The following ZSCAN18 variants were observed in gnomAD, a reference collection of about 807,000 sequenced individuals.
The protein encoded by ZSCAN18 is zinc finger and SCAN domain-containing protein 18.
In ZSCAN18, 16 loss-of-function variants were observed where a neutral mutation model predicts 31.1. The observed-to-expected ratio is 0.51, with a 90% CI of 0.35 to 0.78. The LOEUF (loss-of-function observed/expected upper bound fraction) is 0.78. Among genes scored for constraint, ZSCAN18 ranks in the 30% least tolerant of loss-of-function variants. The pLI is 0.01. For synonymous variants in ZSCAN18, 375 were observed against 320.7 expected (o/e 1.17, Z -1.81); for missense variants, 731 against 697.4 (o/e 1.05, Z -0.54).
intron 1 of ZSCAN18, chr19:58,092,512 G>A: frequency 6.1e-6 from 1 of 164,380 alleles, no homozygotes; most frequent in Non-Finnish European, 1.2e-5. Context: ...GGAGGTGGAG[G>A]CTGTAGTGAG....
chr19:58,116,066 G>A (rs2074727358), intron 1 of ZSCAN18, among the ~76,000 whole-genome samples: 1 of 150,602 alleles, frequency 6.6e-6, no homozygotes, highest in East Asian at 1.9e-4. Context: ...GTACAAGGTT[G>A]GGGAGAGAAG....
rs2074212852 is a variant in ZSCAN18, at chr19:58,084,222, T to A, written c.*463A>T. ...GGAAACAGCTTCTGCTTTTGCAGAT[T>A]AGAAGTGAAGTTGACATCACGCCAA... On this transcript the variant is annotated 3_prime_UTR_variant, in exon 7 of 7. Coordinates refer to ENST00000601144, the MANE Select transcript of ZSCAN18 (RefSeq NM_001145543.2). The surrounding 1 kb of genome is among the most constrained non-coding windows in gnomAD (Gnocchi z 4.5). 1 of 155,014 alleles carries A rather than the reference T, an allele frequency of 6.5e-6. No homozygotes were observed. Among genetic ancestry groups the A allele is most frequent in the Non-Finnish European group, 1.4e-5 (1 of 69,888 alleles). The allele number at this position is 155,014 out of a possible 1,614,324, so 9.6% of individuals were successfully genotyped here. A position where few individuals can be genotyped will look rare whatever the true frequency, so the allele number is the denominator to read the frequency against.
intron 2 of ZSCAN18, among the ~76,000 whole-genome samples, chr19:58,089,394 A>C (rs1373495241): frequency 7.0e-6 from 1 of 143,236 alleles, no homozygotes; most frequent in African/African-American, 2.6e-5. Flanking sequence ...TTGGGAGACC[A>C]AGGCGGGCAG....
chr19:58,095,505 G>A (rs1398452567), intron 1 of ZSCAN18, among the ~76,000 whole-genome samples: 1 of 152,136 alleles, frequency 6.6e-6, no homozygotes, highest in African/African-American at 2.4e-5. Flanking sequence ...GCCTCCTGCC[G>A]GCCCTCCCCT....
At chr19:58,098,767 G>C (rs952967649), upstream of ZSCAN18, among the ~76,000 whole-genome samples, 2 of 152,220 alleles carry the variant, frequency 1.3e-5, no homozygotes, top group African/African-American at 2.4e-5. Context: ...GAGCACTCGA[G>C]GCTGAGACAG....
At chr19:58,106,425 G>GTTTCCCA (rs1284584950) in intron 1 of ZSCAN18, among the ~76,000 whole-genome samples, 1 of 10,438 alleles carries the variant, frequency 9.6e-5, no homozygotes, top group Non-Finnish European at 5.7e-4. Flanking sequence ...ACATCTGGCT[G>GTTTCCCA]GGCGCGGTGG....
chr19:58,108,758 G>C, intron 1 of ZSCAN18: 1 of 985,664 alleles, frequency 1.0e-6, no homozygotes, highest in Non-Finnish European at 1.2e-6. Context: ...TCTCCTTTGT[G>C]TTGTTCCTTT....
intron 5 of ZSCAN18, 39 bp downstream of exon 5, chr19:58,086,867 T>C (rs921765543): frequency 1.3e-6 from 2 of 1,519,266 alleles, no homozygotes; most frequent in Non-Finnish European, 1.8e-6. Flanking sequence ...CGGAAGGGGA[T>C]GGGGAGTGGG....
At chr19:58,087,101 A>T in intron 4 of ZSCAN18, 93 bp from the exon 5 acceptor site, 1 of 1,163,310 alleles carries the variant, frequency 8.6e-7, no homozygotes, top group Non-Finnish European at 1.2e-6. Flanking sequence ...GCTAGGAGCC[A>T]GCCCTGGCCA....
At chr19:58,087,636 C>A in intron 3 of ZSCAN18, 3 of 421,464 alleles carry the variant, frequency 7.1e-6, no homozygotes, top group Non-Finnish European at 1.3e-5. Context: ...TCATGGAAAT[C>A]TTTTTTTTTT....
intron 1 of ZSCAN18, among the ~76,000 whole-genome samples, chr19:58,094,464 A>G (rs1568636649): frequency 2.6e-5 from 4 of 152,024 alleles, no homozygotes; most frequent in Admixed American, 6.6e-5. Flanking sequence ...AACAGAGAAT[A>G]GCAGATATAA....
intron 1 of ZSCAN18, among the ~76,000 whole-genome samples, chr19:58,105,594 G>A (rs548156796): frequency 6.6e-6 from 1 of 152,288 alleles, no homozygotes; most frequent in East Asian, 1.9e-4. Flanking sequence ...CCGGAAGGCA[G>A]AGCTTGCAGT....
intron 1 of ZSCAN18, among the ~76,000 whole-genome samples, chr19:58,107,124 C>T (rs1361218618): frequency 6.6e-6 from 1 of 152,148 alleles, no homozygotes; most frequent in African/African-American, 2.4e-5. Flanking sequence ...CTATGATGGG[C>T]TGCAGAATAC....
rs2074386134 is a variant in ZSCAN18 at position 58,090,346 on chromosome 19, C to G, written c.-79G>C. On this transcript the variant is annotated 5_prime_UTR_variant, in exon 2 of 7. Coordinates refer to ENST00000601144, the MANE Select transcript of ZSCAN18 (RefSeq NM_001145543.2). The surrounding 1 kb of genome is among the most constrained non-coding windows in gnomAD (Gnocchi z 4.7). Reference sequence around the variant, plus strand: ...CCAAAGGAGAGGTGCCAGGGATGACCAGATGCCCAGTGGGCTCAGGTGGTG... The same window carrying G: ...CCAAAGGAGAGGTGCCAGGGATGACGAGATGCCCAGTGGGCTCAGGTGGTG... The G allele has an allele frequency of 1.2e-6, 2 of 1,603,148 alleles. No individual in the cohort carries two copies. The highest frequency in any genetic ancestry group is 1.3e-5 in the African/African-American group (1 of 74,760).
chr19:58,085,547 G>C (rs1440241890), intron 6 of ZSCAN18, 168 bp from the exon 7 acceptor site: 1 of 620,598 alleles, frequency 1.6e-6, no homozygotes, highest in Non-Finnish European at 2.7e-6. Flanking sequence ...CAGCCCTGCA[G>C]CGCATGCCCC....
At position 58,095,890 on chromosome 19, in the gene ZSCAN18, C is replaced by G. The variant is rs547417767; in HGVS notation, c.-120+2284G>C. Among the ~76,000 whole-genome samples, 7 of 152,336 alleles carry G rather than the reference C, an allele frequency of 4.6e-5. No homozygotes were observed. The East Asian group carries it at 1.4e-3, about 29-fold the overall frequency. ...ACCAGGGGTCTCCTAAAACGCCCAA[C>G]TCCAAGGAAGCTGCTGCCTCCTGTG... is the stretch of plus-strand genomic sequence containing the variant. On this transcript the variant is annotated intron_variant, in intron 1 of 6. Coordinates refer to ENST00000601144, the MANE Select transcript of ZSCAN18 (RefSeq NM_001145543.2).
At chr19:58,108,860 G>C in intron 1 of ZSCAN18, 1 of 998,638 alleles carries the variant, frequency 1.0e-6, no homozygotes, top group Non-Finnish European at 1.2e-6. Flanking sequence ...CTCCTTGTTA[G>C]ATCTTCATCA....
At chr19:58,092,224 G>C (rs537161330) in intron 1 of ZSCAN18, among the ~76,000 whole-genome samples, 2 of 152,148 alleles carry the variant, frequency 1.3e-5, no homozygotes, top group East Asian at 1.9e-4. Context: ...ACTTTAAATA[G>C]GTAAACCTCA....
chr19:58,096,816 AG>A, intron 1 of ZSCAN18, among the ~76,000 whole-genome samples: 1 of 152,320 alleles, frequency 6.6e-6, no homozygotes, highest in East Asian at 1.9e-4. Context: ...CATTATAAAA[AG>A]GGGTAAAAGT....
Sources: allele counts gnomAD v4.1 joint callset (sites outside exome capture counted in the v4.1 genomes callset), GRCh38; gene constraint gnomAD v4.1.1; non-coding constraint Gnocchi (gnomAD v3.1); transcripts MANE v1.5; gene names NCBI Gene and HGNC (gene_info 2026-07-23, HGNC 2026-07-21).